Variants in ODAD1 observed in about 807,000 individuals in gnomAD.
ODAD1 encodes outer dynein arm docking complex subunit 1, also known as outer dynein arm-docking complex subunit 1.
A neutral mutation model predicts 67.2 loss-of-function variants in ODAD1; 49 were observed. The ratio of observed to expected loss-of-function variants is 0.73; its 90% CI spans 0.58 to 0.92. The LOEUF (loss-of-function observed/expected upper bound fraction) is 0.92, where lower values mean the gene tolerates loss of function less well. Ranked by LOEUF, ODAD1 falls within the 40% of genes least tolerant of loss-of-function variation. The pLI, the probability that ODAD1 is intolerant of heterozygous loss-of-function variation, is 0.00. For synonymous variants in ODAD1, 345 were observed against 393.7 expected, an observed-to-expected ratio of 0.88 and a Z score of 1.46; for missense variants, 897 against 953.7, an observed-to-expected ratio of 0.94 and a Z score of 0.78.
chr19:48,302,672 G>T, intron 12 of ODAD1, 22 bp downstream of exon 12: 1 of 1,592,670 alleles, frequency 6.3e-7, no homozygotes, highest in Non-Finnish European at 8.5e-7. Flanking sequence ...AGGCTCGGGA[G>T]GGGGCGCCCA....
Position 48,318,563 on chromosome 19 carries a change from G to T in ODAD1, c.184C>A (p.Arg62Ser). ...AGATCGCCCCGTACCTCCTCCAAGC[G>T]CCGGATCTCCTCACTACCCAGGCAG... The part of the protein sequence containing the change: ...RINKQLEEIR[R>S]LEEVRGDLQV... Residue 62 changes from arginine to serine, a missense_variant, in exon 5 of 16, where the codon CGC (arginine) becomes AGC (serine). By Grantham distance (110) the Arg-to-Ser change is moderately radical. Coordinates refer to ENST00000674294, the MANE Select transcript of ODAD1 (RefSeq NM_001364171.2). The T allele has an allele frequency of 6.4e-7, 1 of 1,551,212 alleles. No homozygotes were observed. The highest frequency in any genetic ancestry group is 8.7e-7 in the Non-Finnish European group (1 of 1,146,774).
intron 12 of ODAD1, among the ~76,000 whole-genome samples, chr19:48,300,553 T>C (rs1957698369): frequency 6.6e-6 from 1 of 151,964 alleles, no homozygotes; most frequent in Non-Finnish European, 1.5e-5. Flanking sequence ...TCCTCAAAAC[T>C]AAGAAACTTC....
intron 5 of ODAD1, among the ~76,000 whole-genome samples, chr19:48,312,563 C>T (rs760337094): frequency 6.6e-6 from 1 of 151,834 alleles, no homozygotes; most frequent in Non-Finnish European, 1.5e-5. Context: ...ATTACAGGCA[C>T]GTACCACCAC....
In ODAD1 at chr19:48,316,043, T is replaced by C. The variant is rs540612892; in HGVS notation, c.360+2344A>G. Among the ~76,000 whole-genome samples, 6 of 152,322 alleles carry C rather than the reference T, an allele frequency of 3.9e-5. No individual in the cohort carries two copies. In the East Asian group the frequency reaches 1.2e-3, roughly 29 times the overall value. ...CTTGGCTAAACATCTAGGAGTGGAA[T>C]GTCTGAATCATATTGTCAAGTATAC... On this transcript the variant is annotated intron_variant, in intron 5 of 15. Transcript: ENST00000674294.
At chr19:48,308,884 A>C (rs1968684806) in intron 7 of ODAD1, among the ~76,000 whole-genome samples, 1 of 152,062 alleles carries the variant, frequency 6.6e-6, no homozygotes, top group Admixed American at 6.5e-5. Flanking sequence ...GCAGCTGCCC[A>C]ACCCGCAGCT....
chr19:48,311,584 C>A lies in ODAD1; in HGVS notation c.566G>T (p.Arg189Leu). 6.4e-7 allele frequency: 1 copy of A among 1,550,624 alleles called. No individual in the cohort carries two copies. Among genetic ancestry groups the A allele is most frequent in the Non-Finnish European group, 8.7e-7 (1 of 1,146,174 alleles). ...CAGCTTGCGGTCCACGTTCAGATAGCGGTTCCTGTCGATCCGCAGCAGATC... is the reference window on the plus strand; with the variant it reads ...CAGCTTGCGGTCCACGTTCAGATAGAGGTTCCTGTCGATCCGCAGCAGATC... ...ELDLLRIDRNRYLNVDRKLKK... is the reference protein window; with the variant it reads ...ELDLLRIDRNLYLNVDRKLKK... The change falls in exon 7 of 16, where the codon CGC (arginine) becomes CTC (leucine). Residue 189 changes from arginine to leucine, a missense_variant. Transcript: ENST00000674294.
At chr19:48,321,553 G>A in intron 1 of ODAD1, 125 bp downstream of exon 1, 1 of 338,902 alleles carries the variant, frequency 3.0e-6, no homozygotes. Flanking sequence ...GCGTTTGGAA[G>A]GCCTTACGAG....
chr19:48,296,858 C>T lies in ODAD1; in HGVS notation c.*118G>A. ...GAAAACAGTTGAAGGGGCAAAAAGACAGAGGCCTGCCACTGGGAGAAAAAG... is the reference window on the plus strand; with the variant it reads ...GAAAACAGTTGAAGGGGCAAAAAGATAGAGGCCTGCCACTGGGAGAAAAAG... On this transcript the variant is annotated 3_prime_UTR_variant, in exon 16 of 16. Coordinates refer to ENST00000674294, the MANE Select transcript of ODAD1 (RefSeq NM_001364171.2). 7.0e-7 allele frequency: 1 copy of T among 1,435,532 alleles called. No individual in the cohort carries two copies. The allele number at this position is 1,435,532 out of a possible 1,614,324, so 88.9% of individuals were successfully genotyped here. A position where few individuals can be genotyped will look rare whatever the true frequency, so the allele number is the denominator to read the frequency against.
intron 7 of ODAD1, among the ~76,000 whole-genome samples, chr19:48,309,513 C>G (rs116469009): frequency 6.6e-6 from 1 of 152,100 alleles, no homozygotes; most frequent in Non-Finnish European, 1.5e-5. Context: ...AGAGGAGCTG[C>G]CCCCTGCAGG....
chr19:48,311,684 G>A lies in ODAD1; in HGVS notation c.484-18C>T, dbSNP rs1363160723. The A allele has an allele frequency of 3.4e-6, 5 of 1,449,334 alleles. No individual in the cohort carries two copies. Among genetic ancestry groups the A allele is most frequent in the Non-Finnish European group, 4.7e-6 (5 of 1,053,644 alleles). 89.8% of individuals were successfully genotyped at this position (1,449,334 alleles called of 1,614,324 possible). On this transcript the variant is annotated intron_variant, in intron 6 of 15. Coordinates refer to ENST00000674294, the MANE Select transcript of ODAD1 (RefSeq NM_001364171.2). ...CAGGTGACCTGGGAGTAGAAAGGTG[G>A]ATGGAAGAGTGGGTCTGAAGCCAAG...
rs763010416 is a variant in ODAD1, at chr19:48,303,064, G to A, written c.1020C>T (p.Phe340=). Residue 340 remains phenylalanine, a synonymous_variant, in exon 11 of 16, where the codon TTC becomes TTT. Transcript: ENST00000674294. The part of the protein sequence containing the change: ...IEERNFAEFN[F]INEQNLELEH... ...CCAGCTCCAAGTTCTGCTCGTTGAT[G>A]AAGTTGAACTCAGCAAAGTTGCGCT... 1 of 1,614,160 alleles carries A rather than the reference G, an allele frequency of 6.2e-7. No homozygotes were observed.
At chr19:48,307,056 T>G (rs750272608) in intron 7 of ODAD1, among the ~76,000 whole-genome samples, 10 of 152,022 alleles carry the variant, frequency 6.6e-5, no homozygotes, top group Non-Finnish European at 1.2e-4. Context: ...TGGTGGTGCA[T>G]GCCTGTAATC....
At chr19:48,315,915 C>T (rs1968885887) in intron 5 of ODAD1, among the ~76,000 whole-genome samples, 2 of 152,150 alleles carry the variant, frequency 1.3e-5, no homozygotes, top group African/African-American at 2.4e-5. Context: ...ACTCGACCAC[C>T]GATGGACATT....
intron 2 of ODAD1, among the ~76,000 whole-genome samples, 184 bp from the exon 3 acceptor site, chr19:48,320,575 T>G (rs1056288732): frequency 1.3e-5 from 2 of 152,160 alleles, no homozygotes; most frequent in Non-Finnish European, 2.9e-5. Context: ...TCTCCAGCCC[T>G]CCCACCTCTC....
chr19:48,303,845 G>A, intron 9 of ODAD1, 61 bp from the exon 10 acceptor site: 1 of 1,576,174 alleles, frequency 6.3e-7, no homozygotes, highest in South Asian at 1.2e-5. Flanking sequence ...GAGACCTCCT[G>A]GGTGAGGGGG....
Position 48,306,274 on chromosome 19 carries a change from G to C in ODAD1, c.647C>G (p.Thr216Ser). ...HLVSTLILSSTSAYAVREEAK... is the reference protein window; with the variant it reads ...HLVSTLILSSSSAYAVREEAK... ...TCTCTACCTGACGGCGTAGGCAGAG[G>C]TGGAGGAGAGGATAAGGGTGCTGAC... The change falls in exon 8 of 16, where the codon ACC becomes AGC. Residue 216 changes from threonine (T) to serine (S), a missense_variant. Physicochemically the swap from Thr to Ser is moderately conservative, Grantham distance 58. Coordinates refer to ENST00000674294, the MANE Select transcript of ODAD1 (RefSeq NM_001364171.2). 1 of 1,551,676 alleles carries C rather than the reference G, an allele frequency of 6.4e-7. No individual in the cohort carries two copies. Among genetic ancestry groups the C allele is most frequent in the Non-Finnish European group, 8.7e-7 (1 of 1,146,972 alleles).
At position 48,296,498 on chromosome 19, in the gene ODAD1, T is replaced by C. The variant is rs1288261165; in HGVS notation, c.*478A>G. On this transcript the variant is annotated 3_prime_UTR_variant, in exon 16 of 16. Coordinates refer to ENST00000674294, the MANE Select transcript of ODAD1 (RefSeq NM_001364171.2). ...ATACTTTATTTCCACAGTCCCATTT[T>C]CCCATGCTGAACCTGGCGTCTTCGC... 1 of 157,376 alleles carries C rather than the reference T, an allele frequency of 6.4e-6. No homozygotes were observed. Among genetic ancestry groups the C allele is most frequent in the Non-Finnish European group, 1.4e-5 (1 of 71,904 alleles). 9.7% of individuals were successfully genotyped at this position (157,376 alleles called of 1,614,324 possible).
Position 48,302,789 on chromosome 19 carries a change from A to G in ODAD1, c.1145T>C (p.Val382Ala). 1.2e-6 allele frequency: 2 copies of G among 1,613,936 alleles called. No homozygotes were observed. The highest frequency in any genetic ancestry group is 1.3e-5 in the African/African-American group (1 of 75,016). ...QHLLQEQQQK[V>A]LQQRMDKVHS... ...CACCTTGTCCATGCGCTGCTGCAAC[A>G]CCTTCTGCTGCTGCTCCTGCAGCAA... Residue 382 changes from valine (V) to alanine (A), a missense_variant, in exon 12 of 16, where the codon GTG (valine) becomes GCG (alanine). By Grantham distance (64) the Val-to-Ala change is moderately conservative (BLOSUM62 0). Coordinates refer to ENST00000674294, the MANE Select transcript of ODAD1 (RefSeq NM_001364171.2).
chr19:48,314,013 T>C (rs561724130), intron 5 of ODAD1, among the ~76,000 whole-genome samples: 3 of 151,944 alleles, frequency 2.0e-5, no homozygotes, highest in Admixed American at 2.0e-4. Context: ...GAGGCTGAGA[T>C]GGGTGGATAA....
Sources: gnomAD v4.1 joint callset for allele counts (sites outside exome capture counted in the v4.1 genomes callset) on GRCh38, gnomAD v4.1.1 for gene constraint, MANE v1.5 for transcripts, NCBI Gene and HGNC (gene_info 2026-07-23, HGNC 2026-07-21) for gene names.